The following SMYD3 variants were observed in gnomAD, a reference collection of about 807,000 sequenced individuals.
SMYD3 encodes the protein histone-lysine N-methyltransferase SMYD3.
A neutral mutation model predicts 57.7 loss-of-function variants in SMYD3; 36 were observed. The ratio of observed to expected loss-of-function variants is 0.62; its 90% CI spans 0.48 to 0.82. The LOEUF (loss-of-function observed/expected upper bound fraction) is 0.82. SMYD3 is among the 40% of genes least tolerant of loss of function. The probability of loss-of-function intolerance (pLI) is 0.00; values close to 1 mark genes in which losing one functional copy is unlikely to be tolerated. For synonymous variants in SMYD3, 211 were observed against 195.0 expected, an observed-to-expected ratio of 1.08 and a Z score of -0.68; for missense variants, 515 against 538.8, an observed-to-expected ratio of 0.96 and a Z score of 0.44.
At chr1:246,011,993 A>G (rs2059290253) in intron 5 of SMYD3, among the ~76,000 whole-genome samples, 1 of 152,152 alleles carries the variant, frequency 6.6e-6, no homozygotes, top group South Asian at 2.1e-4. Flanking sequence ...ATCATTGTCC[A>G]CTGATACCAG....
intron 7 of SMYD3, among the ~76,000 whole-genome samples, chr1:245,922,249 A>G (rs1479449567): frequency 6.6e-6 from 1 of 152,226 alleles, no homozygotes; most frequent in African/African-American, 2.4e-5. Flanking sequence ...AACAGCCTAA[A>G]CCTGAAAGCA....
At chr1:246,475,560 C>T (rs1348817393) in intron 1 of SMYD3, among the ~76,000 whole-genome samples, 4 of 151,834 alleles carry the variant, frequency 2.6e-5, no homozygotes, top group African/African-American at 4.8e-5. Flanking sequence ...GCAAGAGGAT[C>T]GCTTGAACCA....
intron 5 of SMYD3, chr1:246,193,873 T>C (rs2062784446): frequency 6.6e-6 from 1 of 152,266 alleles, no homozygotes; most frequent in South Asian, 2.1e-4. Context: ...CTTACCTTTG[T>C]GTCCCCTTTC....
chr1:246,362,455 CT>C (rs1558424265), intron 1 of SMYD3, among the ~76,000 whole-genome samples: 1 of 25,526 alleles, frequency 3.9e-5, no homozygotes, highest in East Asian at 6.9e-4. Flanking sequence ...CCCTCTCCCT[CT>C]CCCTCTCCAC....
intron 5 of SMYD3, among the ~76,000 whole-genome samples, chr1:246,187,616 T>C (rs2062663051): frequency 6.6e-6 from 1 of 152,244 alleles, no homozygotes; most frequent in African/African-American, 2.4e-5. Flanking sequence ...TTGAAACTTT[T>C]AAATTTCTTA....
chr1:246,303,381 C>T (rs1475288532), intron 5 of SMYD3, among the ~76,000 whole-genome samples: 2 of 152,140 alleles, frequency 1.3e-5, no homozygotes, highest in Non-Finnish European at 2.9e-5. Context: ...GACTCTAGCA[C>T]CCCTGTGGAT....
intron 10 of SMYD3, among the ~76,000 whole-genome samples, chr1:245,857,275 C>G (rs925196562): frequency 6.6e-6 from 1 of 152,216 alleles, no homozygotes; most frequent in East Asian, 1.9e-4. Context: ...CCTCTGCCGT[C>G]TTCGGGGTCC....
chr1:246,199,267 A>G (rs193034169), intron 5 of SMYD3, among the ~76,000 whole-genome samples: 4 of 152,326 alleles, frequency 2.6e-5, no homozygotes, highest in Non-Finnish European at 5.9e-5. Context: ...CACGTCTGCT[A>G]CTACTCTAAG....
chr1:245,920,135 A>G (rs982531679), intron 7 of SMYD3, among the ~76,000 whole-genome samples: 1 of 152,034 alleles, frequency 6.6e-6, no homozygotes, highest in South Asian at 2.1e-4. Flanking sequence ...AACACGGTGA[A>G]ACCCCGTCTC....
At chr1:246,108,876 C>A (rs2061178234) in intron 5 of SMYD3, among the ~76,000 whole-genome samples, 2 of 152,204 alleles carry the variant, frequency 1.3e-5, no homozygotes, top group African/African-American at 4.8e-5. Context: ...ACACTCTTCT[C>A]TTTCTCAGAA....
At chr1:246,100,979 T>C (rs554998100) in intron 5 of SMYD3, among the ~76,000 whole-genome samples, 2 of 150,312 alleles carry the variant, frequency 1.3e-5, no homozygotes, top group East Asian at 3.9e-4. Flanking sequence ...AAAGAAATGA[T>C]CAAGTTTCAG....
rs985914783 is a variant in SMYD3 at position 246,137,647 on chromosome 1, C to G, written c.531+189554G>C. ...AAAGACGGTAAAAGTAGATGGTGCA[C>G]AACTAATAACCCAATTCAGCAACCA... On this transcript the variant is annotated intron_variant, in intron 5 of 11. Coordinates refer to ENST00000490107, the MANE Select transcript of SMYD3 (RefSeq NM_001167740.2). Among the ~76,000 whole-genome samples, 5 of 152,162 alleles carry G rather than the reference C, an allele frequency of 3.3e-5. No homozygotes were observed. In the East Asian group the frequency reaches 9.6e-4, roughly 29 times the overall value.
intron 1 of SMYD3, among the ~76,000 whole-genome samples, chr1:246,501,680 T>G (rs964814827): frequency 1.3e-5 from 2 of 152,154 alleles, no homozygotes; most frequent in African/African-American, 4.8e-5. Context: ...GTCCCCTCTC[T>G]CCGTCCATCA....
At chr1:246,201,302 T>A (rs1355805104) in intron 5 of SMYD3, among the ~76,000 whole-genome samples, 1 of 152,144 alleles carries the variant, frequency 6.6e-6, no homozygotes, top group East Asian at 1.9e-4. Flanking sequence ...GCAGTCAACC[T>A]TATTAATAGG....
At chr1:245,807,007 A>G (rs1320140430) in intron 10 of SMYD3, among the ~76,000 whole-genome samples, 2 of 150,828 alleles carry the variant, frequency 1.3e-5, no homozygotes, top group Non-Finnish European at 3.0e-5. Flanking sequence ...GAAATGAGTC[A>G]GGATTGAGGA....
intron 11 of SMYD3, among the ~76,000 whole-genome samples, chr1:245,758,871 G>A (rs566444854): frequency 2.0e-4 from 30 of 152,282 alleles, no homozygotes; most frequent in African/African-American, 5.3e-4. Context: ...GGCATAGTGA[G>A]TGATTTTTAA....
In SMYD3 at chr1:246,203,729, A is replaced by C. The variant is rs534695118; in HGVS notation, c.531+123472T>G. Among the ~76,000 whole-genome samples the C allele has an allele frequency of 3.9e-5, 6 of 152,226 alleles. No individual in the cohort carries two copies. In the South Asian group the frequency reaches 1.2e-3, roughly 32 times the overall value. ...CGGTGGTTAGAACATCAACATATGA[A>C]TTTGCGGGGACACAGTTCAGCCCAG... On this transcript the variant is annotated intron_variant, in intron 5 of 11. Coordinates refer to ENST00000490107, the MANE Select transcript of SMYD3 (RefSeq NM_001167740.2). The surrounding 1 kb of genome is among the most constrained non-coding windows in gnomAD (Gnocchi z 4.6).
chr1:245,851,892 C>T lies in SMYD3; in HGVS notation c.1076+6604G>A, dbSNP rs371510650. On this transcript the variant is annotated intron_variant, in intron 10 of 11. Coordinates refer to ENST00000490107, the MANE Select transcript of SMYD3 (RefSeq NM_001167740.2). ...ATAGAGATGTATGGCCAGGAGGTGACGGAAAGCACAGGCTTTATGCATGTT... is the reference window on the plus strand; with the variant it reads ...ATAGAGATGTATGGCCAGGAGGTGATGGAAAGCACAGGCTTTATGCATGTT... 5.9e-5 allele frequency among the ~76,000 whole-genome samples: 9 copies of T among 152,238 alleles called. No individual in the cohort carries two copies. The South Asian group carries it at 1.0e-3, about 18-fold the overall frequency.
At chr1:246,269,543 C>CTTTTTT (rs570972296) in intron 5 of SMYD3, among the ~76,000 whole-genome samples, 6 of 135,236 alleles carry the variant, frequency 4.4e-5, no homozygotes, top group South Asian at 5.0e-4. Flanking sequence ...CTTTTTTTTT[C>CTTTTTT]TTTTTTTTTT....
Sources: gnomAD v4.1 joint callset for allele counts (sites outside exome capture counted in the v4.1 genomes callset) on GRCh38, gnomAD v4.1.1 for gene constraint, Gnocchi (gnomAD v3.1) non-coding constraint, MANE v1.5 for transcripts, NCBI Gene and HGNC (gene_info 2026-07-23, HGNC 2026-07-21) for gene names.